The following TRHR variants were observed in gnomAD, a reference collection of about 807,000 sequenced individuals.
TRHR encodes thyrotropin releasing hormone receptor.
A neutral mutation model predicts 28.0 loss-of-function variants in TRHR; 14 were observed. The observed-to-expected ratio is 0.50, with a 90% CI of 0.33 to 0.78. The LOEUF (loss-of-function observed/expected upper bound fraction) is 0.78. Among genes scored for constraint, TRHR ranks in the 30% least tolerant of loss-of-function variants. The pLI, the probability that TRHR is intolerant of heterozygous loss-of-function variation, is 0.02. For synonymous variants in TRHR, 176 were observed against 171.9 expected (o/e 1.02, Z -0.18); for missense variants, 438 against 469.5 (o/e 0.93, Z 0.62).
rs560614707 is a variant in TRHR, at chr8:109,119,609, A to G, written c.*154A>G. Reference sequence around the variant, plus strand: ...ATTCTGGCCCTAGATACTTTAACCCATGAGGATGATTCAGACTTTCCTTCT... The same window carrying G: ...ATTCTGGCCCTAGATACTTTAACCCGTGAGGATGATTCAGACTTTCCTTCT... On this transcript the variant is annotated 3_prime_UTR_variant, in exon 3 of 3. Coordinates refer to ENST00000518632, the MANE Select transcript of TRHR (RefSeq NM_003301.7). 2,206 of 822,300 alleles carry G rather than the reference A, an allele frequency of 2.7e-3. 6 individuals carry two copies. The highest frequency in any genetic ancestry group is 3.5e-3 in the Admixed American group (139 of 39,316). The allele number at this position is 822,300 out of a possible 1,614,324, so 50.9% of individuals were successfully genotyped here. A position where few individuals can be genotyped will look rare whatever the true frequency, so the allele number is the denominator to read the frequency against.
intron 2 of TRHR, among the ~76,000 whole-genome samples, chr8:109,093,353 C>T (rs900497506): frequency 6.7e-6 from 1 of 149,970 alleles, no homozygotes; most frequent in Non-Finnish European, 1.5e-5. Context: ...ATGTGTCTTC[C>T]GTCTTCTCCC....
chr8:109,119,583 A>G lies in TRHR; in HGVS notation c.*128A>G, dbSNP rs1310293657. On this transcript the variant is annotated 3_prime_UTR_variant, in exon 3 of 3. Coordinates refer to ENST00000518632, the MANE Select transcript of TRHR (RefSeq NM_003301.7). ...ATCAGTCTTTGTCAATGCTCTAACA[A>G]ATTCTGGCCCTAGATACTTTAACCC... 8.8e-6 allele frequency: 10 copies of G among 1,138,692 alleles called. No homozygotes were observed. In the East Asian group the frequency reaches 1.8e-4, roughly 20 times the overall value. 70.5% of individuals were successfully genotyped at this position (1,138,692 alleles called of 1,614,324 possible).
intron 2 of TRHR, among the ~76,000 whole-genome samples, chr8:109,093,787 T>C (rs1811548849): frequency 6.6e-6 from 1 of 151,596 alleles, no homozygotes; most frequent in East Asian, 1.9e-4. Flanking sequence ...AATAATGACC[T>C]ACTGCAAAAT....
intron 2 of TRHR, among the ~76,000 whole-genome samples, chr8:109,106,288 G>A (rs977748917): frequency 6.6e-6 from 1 of 152,096 alleles, no homozygotes; most frequent in African/African-American, 2.4e-5. Flanking sequence ...ACAAAAGATT[G>A]AATATGACAG....
At chr8:109,103,171 G>A (rs921067003) in intron 2 of TRHR, among the ~76,000 whole-genome samples, 5 of 152,086 alleles carry the variant, frequency 3.3e-5, no homozygotes, top group African/African-American at 9.7e-5. Context: ...ATGTGAACAA[G>A]GCAAACTTAT....
intron 2 of TRHR, among the ~76,000 whole-genome samples, chr8:109,092,546 TCTGCCTCAGCCCC>T (rs1811531810): frequency 6.6e-6 from 1 of 151,958 alleles, no homozygotes; most frequent in Non-Finnish European, 1.5e-5. Flanking sequence ...TAGAGATTCT[TCTGCCTCAGCCCC>T]CTGAGTAGCT....
At chr8:109,117,547 A>G (rs1811938987) in intron 2 of TRHR, among the ~76,000 whole-genome samples, 2 of 151,728 alleles carry the variant, frequency 1.3e-5, no homozygotes, top group African/African-American at 4.8e-5. Context: ...GAGTGGGAGA[A>G]TGTTGACAAG....
chr8:109,087,359 T>C, intron 1 of TRHR, 66 bp from the exon 2 acceptor site: 1 of 823,382 alleles, frequency 1.2e-6, no homozygotes, highest in Non-Finnish European at 2.0e-6. Flanking sequence ...GTGACGGTTA[T>C]TTGTGATTGG....
chr8:109,111,396 A>C (rs1170781240), intron 2 of TRHR, among the ~76,000 whole-genome samples: 1 of 152,176 alleles, frequency 6.6e-6, no homozygotes, highest in African/African-American at 2.4e-5. Flanking sequence ...TAATATTCCC[A>C]GTTACAGGAC....
chr8:109,088,185 T>C lies in TRHR; in HGVS notation c.673T>C (p.Ser225Pro). 6.2e-7 allele frequency: 1 copy of C among 1,614,124 alleles called. No homozygotes were observed. Among genetic ancestry groups the C allele is most frequent in the Non-Finnish European group, 8.5e-7 (1 of 1,180,018 alleles). The part of the protein sequence containing the change: ...ARILFLNPIP[S>P]DPKENSKTWK... Reference sequence around the variant, plus strand: ...AATCCTTTTCTTAAATCCCATTCCTTCAGATCCTAAAGAAAACTCTAAGAC... The same window carrying C: ...AATCCTTTTCTTAAATCCCATTCCTCCAGATCCTAAAGAAAACTCTAAGAC... The change falls in exon 2 of 3, where the codon TCA (serine) becomes CCA (proline). Residue 225 changes from serine (S) to proline (P), a missense_variant. Coordinates refer to ENST00000518632, the MANE Select transcript of TRHR (RefSeq NM_003301.7).
chr8:109,115,226 T>C (rs987239438), intron 2 of TRHR, among the ~76,000 whole-genome samples: 6 of 152,122 alleles, frequency 3.9e-5, no homozygotes, highest in Admixed American at 3.3e-4. Context: ...AGCTTTGTAG[T>C]ATAGTTTGAA....
At chr8:109,107,219 A>C (rs1563625356) in intron 2 of TRHR, among the ~76,000 whole-genome samples, 1 of 152,188 alleles carries the variant, frequency 6.6e-6, no homozygotes, top group Non-Finnish European at 1.5e-5. Flanking sequence ...CAAAGGCTTC[A>C]TCTGTCATTT....
chr8:109,098,322 AG>A (rs1811626209), intron 2 of TRHR, among the ~76,000 whole-genome samples: 1 of 151,616 alleles, frequency 6.6e-6, no homozygotes. Context: ...TATAAAGACG[AG>A]GTCTCACTAT....
intron 2 of TRHR, among the ~76,000 whole-genome samples, chr8:109,102,788 G>A (rs4464939): frequency 0.3 from 45,387 of 151,816 alleles, 7,344 homozygotes; most frequent in East Asian, 0.47. Context: ...AACTGGTGTG[G>A]TAGTAAATTA....
rs757025345 is a variant in TRHR, at chr8:109,119,452, T to G, written c.1194T>G (p.Ser398Arg). The G allele has an allele frequency of 6.2e-7, 1 of 1,611,586 alleles. No individual in the cohort carries two copies. The highest frequency in any genetic ancestry group is 8.5e-7 in the Non-Finnish European group (1 of 1,178,868). The change falls in exon 3 of 3, where the codon AGT (serine) becomes AGG (arginine). Residue 398 changes from serine to arginine, a missense_variant. By Grantham distance (110) the Ser-to-Arg change is moderately radical. Transcript: ENST00000518632. ...CTTCTGAGGTATCCTTTAGCCAAAG[T>G]TGATTCATGAATTAGAAGAAAATGG... is the stretch of plus-strand genomic sequence containing the variant. ...CLASEVSFSQ[S>R]
intron 2 of TRHR, among the ~76,000 whole-genome samples, chr8:109,088,733 T>A (rs1262135498): frequency 6.6e-6 from 1 of 152,178 alleles, no homozygotes; most frequent in Non-Finnish European, 1.5e-5. Flanking sequence ...CAGGTTAGTT[T>A]AAAAATAAAT....
chr8:109,106,130 C>T (rs187800739), intron 2 of TRHR, among the ~76,000 whole-genome samples: 44 of 151,318 alleles, frequency 2.9e-4, no homozygotes, highest in African/African-American at 1.0e-3. Flanking sequence ...TTCATTTTAA[C>T]TCCTTATCTC....
chr8:109,101,077 G>T (rs558474716), intron 2 of TRHR, among the ~76,000 whole-genome samples: 1 of 152,274 alleles, frequency 6.6e-6, no homozygotes, highest in African/African-American at 2.4e-5. Flanking sequence ...AGATTACAAG[G>T]CAAAGAGTGT....
rs1811989910 is a variant in TRHR at position 109,120,369 on chromosome 8, T to A, written c.*914T>A. Among the ~76,000 whole-genome samples the A allele has an allele frequency of 6.6e-6, 1 of 151,852 alleles. No homozygotes were observed. The highest frequency in any genetic ancestry group is 2.4e-5 in the African/African-American group (1 of 41,410). ...CTTGTTTATAAACTACTCAGCCATG[T>A]CAAGCAAATCATTCAAGCAAAATCT... is the stretch of plus-strand genomic sequence containing the variant. On this transcript the variant is annotated 3_prime_UTR_variant, in exon 3 of 3. Coordinates refer to ENST00000518632, the MANE Select transcript of TRHR (RefSeq NM_003301.7).
Sources: gnomAD v4.1 joint callset for allele counts (sites outside exome capture counted in the v4.1 genomes callset) on GRCh38, gnomAD v4.1.1 for gene constraint, MANE v1.5 for transcripts, NCBI Gene and HGNC (gene_info 2026-07-23, HGNC 2026-07-21) for gene names.